Variants in DIAPH3 observed in about 807,000 individuals in gnomAD.
DIAPH3 encodes protein diaphanous homolog 3.
Under a neutral mutation model 144.3 loss-of-function variants are expected in DIAPH3, and 117 were observed. The observed-to-expected ratio is 0.81, with a 90% CI of 0.70 to 0.95. DIAPH3 has a LOEUF of 0.95. Ranked by LOEUF, DIAPH3 falls within the 40% of genes least tolerant of loss-of-function variation. The pLI is 0.00. For missense variants in DIAPH3, 1,421 were observed against 1,412.7 expected, an observed-to-expected ratio of 1.01 and a Z score of -0.09; for synonymous variants, 519 against 488.9, an observed-to-expected ratio of 1.06 and a Z score of -0.81.
At chr13:59,888,446 C>T (rs1367736681) in intron 20 of DIAPH3, among the ~76,000 whole-genome samples, 2 of 152,092 alleles carry the variant, frequency 1.3e-5, no homozygotes, top group African/African-American at 4.8e-5. Flanking sequence ...TAGACCAAGA[C>T]AACCTCTTTT....
At chr13:60,103,905 T>C (rs1316608522) in intron 3 of DIAPH3, among the ~76,000 whole-genome samples, 1 of 152,120 alleles carries the variant, frequency 6.6e-6, no homozygotes, top group Non-Finnish European at 1.5e-5. Context: ...TCACACAATA[T>C]CAAACGGTCA....
At chr13:59,721,370 G>T (rs1333577399) in intron 27 of DIAPH3, among the ~76,000 whole-genome samples, 1 of 152,010 alleles carries the variant, frequency 6.6e-6, no homozygotes, top group African/African-American at 2.4e-5. Context: ...ATGTTATTTT[G>T]ATAAATAAAG....
intron 1 of DIAPH3, among the ~76,000 whole-genome samples, chr13:60,142,983 C>A (rs894528845): frequency 1.3e-5 from 2 of 151,856 alleles, no homozygotes; most frequent in Non-Finnish European, 2.9e-5. Context: ...AAACTCCTAG[C>A]CTCAAGTGAT....
intron 27 of DIAPH3, among the ~76,000 whole-genome samples, chr13:59,739,246 T>C (rs1022679279): frequency 2.6e-5 from 4 of 152,230 alleles, no homozygotes; most frequent in Non-Finnish European, 4.4e-5. Flanking sequence ...CTACGTTTCA[T>C]CTACTGAATT....
chr13:60,127,336 T>C (rs1216151028), intron 2 of DIAPH3, among the ~76,000 whole-genome samples: 2 of 151,766 alleles, frequency 1.3e-5, no homozygotes, highest in Admixed American at 1.3e-4. Flanking sequence ...TAGGAAAAAA[T>C]AGATTACTTG....
At chr13:59,830,879 A>T (rs1297763833) in intron 24 of DIAPH3, among the ~76,000 whole-genome samples, 1 of 151,884 alleles carries the variant, frequency 6.6e-6, no homozygotes, top group Non-Finnish European at 1.5e-5. Context: ...CTTACAAACA[A>T]TATGGCATTG....
At chr13:59,907,509 T>C (rs1402290626) in intron 20 of DIAPH3, among the ~76,000 whole-genome samples, 1 of 152,156 alleles carries the variant, frequency 6.6e-6, no homozygotes, top group Non-Finnish European at 1.5e-5. Flanking sequence ...TATATGATCA[T>C]CTACAAAAAA....
At chr13:60,137,029 CTT>C (rs1454712588) in intron 1 of DIAPH3, among the ~76,000 whole-genome samples, 19 of 152,142 alleles carry the variant, frequency 1.2e-4, no homozygotes, top group Non-Finnish European at 2.6e-4. Flanking sequence ...TATGAGGGCT[CTT>C]TTCCTAAGCT....
chr13:59,714,733 G>A (rs1291417210), intron 27 of DIAPH3, among the ~76,000 whole-genome samples: 1 of 152,068 alleles, frequency 6.6e-6, no homozygotes, highest in Non-Finnish European at 1.5e-5. Flanking sequence ...ATTACAAGGT[G>A]TATTTATTGT....
At chr13:59,686,996 T>C (rs2033252810) in intron 27 of DIAPH3, among the ~76,000 whole-genome samples, 3 of 152,244 alleles carry the variant, frequency 2.0e-5, no homozygotes, top group Middle Eastern at 6.8e-3. Context: ...CATTTCTCTT[T>C]GTCTGCTCTT....
In DIAPH3 at chr13:59,818,898, T is replaced by C. The variant is rs1050283841; in HGVS notation, c.3028-7975A>G. Reference sequence around the variant, plus strand: ...TTCTATTTGCTTTTTTCAAAACTGCTCCTTTTTAGTATTCTCCTGTTACTT... The same window carrying C: ...TTCTATTTGCTTTTTTCAAAACTGCCCCTTTTTAGTATTCTCCTGTTACTT... On this transcript the variant is annotated intron_variant, in intron 24 of 27. Transcript: ENST00000400324. Among the ~76,000 whole-genome samples, 5 of 152,028 alleles carry C rather than the reference T, an allele frequency of 3.3e-5. No individual in the cohort carries two copies. The South Asian group carries it at 1.0e-3, about 32-fold the overall frequency.
chr13:59,695,922 C>A (rs1027467504), intron 27 of DIAPH3: 1 of 152,024 alleles, frequency 6.6e-6, no homozygotes, highest in Non-Finnish European at 1.5e-5. Flanking sequence ...TTTGTTCTAC[C>A]ACCAAAACCT....
At chr13:60,038,776 C>T (rs942695642) in intron 5 of DIAPH3, among the ~76,000 whole-genome samples, 1 of 151,812 alleles carries the variant, frequency 6.6e-6, no homozygotes. Context: ...GATTTTGAGA[C>T]AAAAAATCTT....
chr13:60,071,566 AT>A (rs1460605205), intron 4 of DIAPH3, among the ~76,000 whole-genome samples: 1 of 152,142 alleles, frequency 6.6e-6, no homozygotes, highest in Non-Finnish European at 1.5e-5. Flanking sequence ...GCTTTCAGAT[AT>A]TTTTATCATA....
At chr13:59,896,544 A>G (rs1223150550) in intron 20 of DIAPH3, among the ~76,000 whole-genome samples, 1 of 149,370 alleles carries the variant, frequency 6.7e-6, no homozygotes, top group Non-Finnish European at 1.5e-5. Flanking sequence ...ATGTTTTATA[A>G]TATCTCAGGT....
intron 17 of DIAPH3, among the ~76,000 whole-genome samples, chr13:59,969,232 C>T (rs1264784419): frequency 6.6e-6 from 1 of 152,122 alleles, no homozygotes; most frequent in Non-Finnish European, 1.5e-5. Context: ...TATCACAAAA[C>T]ATTTTGGAAA....
intron 1 of DIAPH3, among the ~76,000 whole-genome samples, chr13:60,160,500 G>A: frequency 6.6e-6 from 1 of 152,180 alleles, no homozygotes; most frequent in East Asian, 1.9e-4. Flanking sequence ...CTACCTGTGT[G>A]TTGCCAAGAG....
chr13:60,156,965 A>G (rs1952065103), intron 1 of DIAPH3, among the ~76,000 whole-genome samples: 1 of 120,990 alleles, frequency 8.3e-6, no homozygotes, highest in South Asian at 2.6e-4. Flanking sequence ...TTTTTGAGAC[A>G]GAGGAGTCTC....
chr13:59,955,299 G>C (rs997198854), intron 17 of DIAPH3, among the ~76,000 whole-genome samples: 1 of 151,886 alleles, frequency 6.6e-6, no homozygotes, highest in Non-Finnish European at 1.5e-5. Flanking sequence ...ATGGGGGCGG[G>C]TTTCTCCTGT....
Sources: allele counts gnomAD v4.1 joint callset (sites outside exome capture counted in the v4.1 genomes callset), GRCh38; gene constraint gnomAD v4.1.1; transcripts MANE v1.5; gene names NCBI Gene and HGNC (gene_info 2026-07-23, HGNC 2026-07-21).